Variants in ATM observed in about 807,000 individuals in gnomAD.
ATM encodes ATM serine/threonine kinase.
A neutral mutation model predicts 387.0 loss-of-function variants in ATM; 308 were observed. The ratio of observed to expected loss-of-function variants is 0.80; its 90% CI spans 0.73 to 0.87. The LOEUF (loss-of-function observed/expected upper bound fraction) is 0.87, where lower values mean the gene tolerates loss of function less well. ATM is among the 40% of genes least tolerant of loss of function. The pLI is 0.00. For missense variants in ATM, 3,312 were observed against 3,560.9 expected, an observed-to-expected ratio of 0.93 and a Z score of 1.78; for synonymous variants, 1,156 against 1,187.3, an observed-to-expected ratio of 0.97 and a Z score of 0.54.
rs878853494 is a variant in ATM, at chr11:108,257,603, C to G, written c.2373C>G (p.Thr791=). The change falls in exon 15 of 63, where the codon ACC becomes ACG. Residue 791 remains threonine (T), a synonymous_variant. Transcript: ENST00000675843. ...GTACACGTTGCTTGAGCAACTGTAC[C>G]AAGGTAAGATTTTCTTCTTCTTGTT... The part of the protein sequence containing the change: ...QLCTRCLSNC[T]KKSPNKIASG... 6.2e-7 allele frequency: 1 copy of G among 1,613,296 alleles called. No homozygotes were observed. The highest frequency in any genetic ancestry group is 8.5e-7 in the Non-Finnish European group (1 of 1,179,854).
chr11:108,363,728 T>G (rs1565604802), intron 61 of ATM, among the ~76,000 whole-genome samples: 1 of 152,212 alleles, frequency 6.6e-6, no homozygotes, highest in Admixed American at 6.5e-5. Context: ...TCCAACCACT[T>G]CTGTCTTGTC....
intron 25 of ATM, 47 bp from the exon 26 acceptor site, chr11:108,284,180 T>C (rs1289412984): frequency 1.4e-6 from 2 of 1,433,356 alleles, no homozygotes; most frequent in Non-Finnish European, 1.9e-6. Context: ...AAAATTTTAC[T>C]TGGAAAAGTT....
In ATM at chr11:108,268,465, A is replaced by C. The variant is rs774395596; in HGVS notation, c.2694A>C (p.Leu898Phe). Residue 898 changes from leucine to phenylalanine, a missense_variant, in exon 18 of 63, where the codon TTA becomes TTC. By Grantham distance (22) the Leu-to-Phe change is conservative. Transcript: ENST00000675843. ...TGTCAAAGCAAGATCTACTTTTCTT[A>C]GACATGCTCAAGTTCTTGTGTTTGT... The part of the protein sequence containing the change: ...EYLSKQDLLF[L>F]DMLKFLCLCV... 5 of 1,613,954 alleles carry C rather than the reference A, an allele frequency of 3.1e-6. No homozygotes were observed. In the East Asian group the frequency reaches 1.1e-4, roughly 36 times the overall value.
intron 33 of ATM, among the ~76,000 whole-genome samples, chr11:108,297,815 C>G (rs1309106943): frequency 1.3e-5 from 2 of 152,020 alleles, no homozygotes; most frequent in Non-Finnish European, 2.9e-5. Context: ...CCTAAAAAGG[C>G]CCCTTTTGTA....
At position 108,353,811 on chromosome 11, in the gene ATM, T is replaced by C. The variant is rs730881328; in HGVS notation, c.8717T>C (p.Val2906Ala). 3 of 1,614,006 alleles carry C rather than the reference T, an allele frequency of 1.9e-6. No individual in the cohort carries two copies. The highest frequency in any genetic ancestry group is 2.5e-6 in the Non-Finnish European group (3 of 1,179,994). Residue 2906 changes from valine (V) to alanine (A), a missense_variant, in exon 60 of 63, where the codon GTT (valine) becomes GCT (alanine). By Grantham distance (64) the Val-to-Ala change is moderately conservative. This residue lies in a region of ATM where 1,405 missense variants were observed against 1,604.4 expected (regional missense o/e 0.88). Transcript: ENST00000675843. ...QGKILPTPET[V>A]PFRLTRDIVD... is the part of the protein sequence containing the mutation. ...AAAATCCTTCCTACTCCTGAGACAG[T>C]TCCTTTTAGACTCACCAGAGATATT...
rs1565369978 is a variant in ATM, at chr11:108,244,124, C to G, written c.662+6C>G. 3 of 1,613,450 alleles carry G rather than the reference C, an allele frequency of 1.9e-6. No homozygotes were observed. Among genetic ancestry groups the G allele is most frequent in the Non-Finnish European group, 2.5e-6 (3 of 1,179,700 alleles). On this transcript the variant is annotated splice_donor_region_variant and intron_variant, in intron 6 of 62. Transcript: ENST00000675843. ...AAGGCTATTCAGTGTGCGAGGTAAT[C>G]TAATCTCTTTTTCTTTTGTTTTGTA...
intron 45 of ATM, among the ~76,000 whole-genome samples, chr11:108,321,997 T>C (rs1371621219): frequency 2.0e-5 from 3 of 152,310 alleles, no homozygotes; most frequent in Admixed American, 1.3e-4. Context: ...TTTCCTCATG[T>C]TTTTGCATAG....
At chr11:108,297,558 G>T (rs572401186) in intron 33 of ATM, among the ~76,000 whole-genome samples, 176 bp downstream of exon 33, 1 of 152,274 alleles carries the variant, frequency 6.6e-6, no homozygotes, top group African/African-American at 2.4e-5. Flanking sequence ...CTAGGTTTGT[G>T]TAAGTATATT....
chr11:108,348,433 GAA>G (rs1342724474), intron 59 of ATM, among the ~76,000 whole-genome samples: 1 of 138,260 alleles, frequency 7.2e-6, no homozygotes, highest in African/African-American at 2.7e-5. Context: ...TAATATATAA[GAA>G]AGAAAGAATA....
intron 22 of ATM, among the ~76,000 whole-genome samples, chr11:108,278,832 G>T (rs116308207): frequency 0.013 from 1,952 of 152,196 alleles, 51 homozygotes; most frequent in African/African-American, 0.044. Context: ...TAACCTAATG[G>T]GGATCAGATT....
intron 5 of ATM, among the ~76,000 whole-genome samples, chr11:108,236,751 G>A (rs1223697796): frequency 6.6e-6 from 1 of 152,152 alleles, no homozygotes; most frequent in African/African-American, 2.4e-5. Flanking sequence ...TAGAGTGTGT[G>A]CTAGGGAGGA....
intron 26 of ATM, among the ~76,000 whole-genome samples, chr11:108,286,667 T>C (rs2082510088): frequency 1.3e-5 from 2 of 152,148 alleles, no homozygotes; most frequent in African/African-American, 4.8e-5. Flanking sequence ...TTTTGTTACT[T>C]GAGCATGGAA....
At chr11:108,282,020 C>T (rs1039970096) in intron 24 of ATM, among the ~76,000 whole-genome samples, 4 of 152,078 alleles carry the variant, frequency 2.6e-5, no homozygotes, top group Non-Finnish European at 5.9e-5. Flanking sequence ...AGCTGGAGTG[C>T]GGTGATGTGA....
At position 108,232,873 on chromosome 11, in the gene ATM, T is replaced by A. The variant is rs147619528; in HGVS notation, c.332-2797T>A. On this transcript the variant is annotated intron_variant, in intron 4 of 62. Transcript: ENST00000675843. ...CTACTGTTCATTTCTTTTCTTTTTT[T>A]TTTTTTGAGACAGAGTTTTGCTCTT... 5.7e-4 allele frequency among the ~76,000 whole-genome samples: 87 copies of A among 151,306 alleles called. 1 individual carries two copies. The highest frequency in any genetic ancestry group is 1.9e-3 in the African/African-American group (78 of 40,980).
At chr11:108,296,971 T>C (rs2083156280) in intron 32 of ATM, 7 of 333,804 alleles carry the variant, frequency 2.1e-5, no homozygotes, top group South Asian at 1.9e-4. Flanking sequence ...GCTCCCAAAG[T>C]CCCTTCTAGC....
intron 39 of ATM, among the ~76,000 whole-genome samples, chr11:108,311,443 C>T (rs2084149949): frequency 6.6e-6 from 1 of 152,138 alleles, no homozygotes; most frequent in East Asian, 1.9e-4. Flanking sequence ...CGCATGTAAT[C>T]CCAGCACTTT....
At chr11:108,297,146 T>C (rs1384801376) in intron 32 of ATM, 141 bp from the exon 33 acceptor site, 3 of 644,816 alleles carry the variant, frequency 4.7e-6, no homozygotes, top group Middle Eastern at 4.2e-4. Flanking sequence ...TCCCTACATA[T>C]TTTTTGAGCT....
chr11:108,262,663 G>A (rs1331492120), intron 16 of ATM, among the ~76,000 whole-genome samples: 1 of 151,688 alleles, frequency 6.6e-6, no homozygotes, highest in African/African-American at 2.4e-5. Flanking sequence ...TGGACTAAAT[G>A]CTCCAATTAA....
chr11:108,321,536 A>C, intron 45 of ATM, 116 bp downstream of exon 45: 4 of 1,472,744 alleles, frequency 2.7e-6, no homozygotes, highest in Non-Finnish European at 3.7e-6. Flanking sequence ...TAATCCTAGC[A>C]CTTTAGAAGG....
Sources: allele counts gnomAD v4.1 joint callset (sites outside exome capture counted in the v4.1 genomes callset), GRCh38; gene constraint gnomAD v4.1.1; regional missense constraint gnomAD v4.1.1; transcripts MANE v1.5; gene names NCBI Gene and HGNC (gene_info 2026-07-23, HGNC 2026-07-21).